Variants in NUPR2 observed in about 807,000 individuals in gnomAD.
The protein encoded by NUPR2 is nuclear protein 2.
NUPR2 carries 14 observed loss-of-function variants against 7.3 expected under a neutral mutation model. The observed-to-expected ratio is 1.93, with a 90% confidence interval of 1.27 to 3.01. NUPR2 has a LOEUF of 3.01. Among genes scored for constraint, NUPR2 ranks in the 30% most tolerant of loss-of-function variants. The probability of loss-of-function intolerance (pLI) is 0.00; values close to 1 mark genes in which losing one functional copy is unlikely to be tolerated. For synonymous variants in NUPR2, 56 were observed against 59.7 expected (o/e 0.94, Z 0.29); for missense variants, 162 against 143.7 (o/e 1.13, Z -0.65).
rs770528420 is a variant in NUPR2 at position 56,116,114 on chromosome 7, C to G, written c.201G>C (p.Gly67=). The change falls in exon 1 of 2, where the codon GGG becomes GGC. Residue 67 remains glycine, a synonymous_variant. Transcript: ENST00000329309. ...GCTTCTGCGCGACCTTGCGCTCGTG[C>G]CCGCCAGGTGCAGGCCAGTTGGTGC... is the stretch of plus-strand genomic sequence containing the variant. ...ALRTNWPAPG[G]HERKVAQKLL... The G allele has an allele frequency of 6.5e-7, 1 of 1,541,396 alleles. No homozygotes were observed. The highest frequency in any genetic ancestry group is 1.2e-5 in the South Asian group (1 of 83,218).
chr7:56,115,830 T>C (rs566623706), intron 1 of NUPR2, among the ~76,000 whole-genome samples, 185 bp downstream of exon 1: 1 of 152,018 alleles, frequency 6.6e-6, no homozygotes, highest in East Asian at 2.0e-4. Context: ...TCTACCCACC[T>C]ATGAAGTTCC....
chr7:56,115,429 T>TATATATATATACATA (rs1554376538), intron 1 of NUPR2, among the ~76,000 whole-genome samples: 2 of 30,998 alleles, frequency 6.5e-5, no homozygotes, highest in African/African-American at 2.9e-4. Flanking sequence ...ATATATATAT[T>TATATATATATACATA]TGTGTGTGTG....
chr7:56,115,410 T>TAC (rs1562891757), intron 1 of NUPR2, among the ~76,000 whole-genome samples: 6 of 39,388 alleles, frequency 1.5e-4, no homozygotes, highest in Admixed American at 8.1e-4. Flanking sequence ...TATATATATA[T>TAC]ATATATATAT....
Position 56,116,148 on chromosome 7 carries a change from T to C in NUPR2, c.167A>G (p.Gln56Arg). Residue 56 changes from glutamine to arginine, a missense_variant, in exon 1 of 2, where the codon CAG becomes CGG. Coordinates refer to ENST00000329309, the MANE Select transcript of NUPR2 (RefSeq NM_001145712.2). Reference protein sequence around the residue: ...GRSKGRTRREQALRTNWPAPG... With the variant: ...GRSKGRTRRERALRTNWPAPG... ...TGCAGGCCAGTTGGTGCGCAGCGCC[T>C]GCTCGCGCCGAGTCCGGCCCTTGCT... The C allele has an allele frequency of 6.5e-7, 1 of 1,546,790 alleles. No individual in the cohort carries two copies. The highest frequency in any genetic ancestry group is 8.7e-7 in the Non-Finnish European group (1 of 1,145,204).
chr7:56,115,429 T>TTTTGTG (rs1554376539), intron 1 of NUPR2, among the ~76,000 whole-genome samples: 5 of 31,000 alleles, frequency 1.6e-4, no homozygotes, highest in Non-Finnish European at 2.7e-4. Context: ...ATATATATAT[T>TTTTGTG]TGTGTGTGTG....
In NUPR2 at chr7:56,116,145, G is replaced by T. The variant is rs1350533489; in HGVS notation, c.170C>A (p.Ala57Glu). ...AGGTGCAGGCCAGTTGGTGCGCAGC[G>T]CCTGCTCGCGCCGAGTCCGGCCCTT... ...RSKGRTRREQ[A>E]LRTNWPAPGG... Residue 57 changes from alanine to glutamate, a missense_variant, in exon 1 of 2, where the codon GCG becomes GAG. Ala to Glu is a moderately radical substitution (Grantham distance 107). Transcript: ENST00000329309. 1 of 1,546,550 alleles carries T rather than the reference G, an allele frequency of 6.5e-7. No individual in the cohort carries two copies. Among genetic ancestry groups the T allele is most frequent in the Non-Finnish European group, 8.7e-7 (1 of 1,145,136 alleles).
At chr7:56,115,342 T>C (rs1200296727) in intron 1 of NUPR2, among the ~76,000 whole-genome samples, 1 of 147,446 alleles carries the variant, frequency 6.8e-6, no homozygotes, top group Non-Finnish European at 1.5e-5. Context: ...TGGAGAGCAG[T>C]GGCGCAATCT....
intron 1 of NUPR2, among the ~76,000 whole-genome samples, chr7:56,115,426 TATTTGTGTGTGTGTG>T (rs1785528262): frequency 4.1e-5 from 2 of 48,726 alleles, no homozygotes; most frequent in Admixed American, 5.3e-4. Flanking sequence ...TATATATATA[TATTTGTGTGTGTGTG>T]TGTGTGTGTG....
In NUPR2 at chr7:56,116,172, CT is replaced by C; in HGVS notation, c.142del (p.Ser48AlafsTer72). 1 of 1,548,344 alleles carries C rather than the reference CT, an allele frequency of 6.5e-7. No homozygotes were observed. Among genetic ancestry groups the C allele is most frequent in the Non-Finnish European group, 8.7e-7 (1 of 1,145,794 alleles). Reference protein sequence around the residue: ...RDFPACGAGRSKGRTRREQAL... With the variant: ...RDFPACGAGRXKGRTRREQAL... Reference sequence around the variant, plus strand: ...CTGCTCGCGCCGAGTCCGGCCCTTGCTGCGCCCTGCCCCGCAGGCCGGGAAG... The same window carrying C: ...CTGCTCGCGCCGAGTCCGGCCCTTGCGCGCCCTGCCCCGCAGGCCGGGAAG... On this transcript the variant is annotated frameshift_variant, in exon 1 of 2. Coordinates refer to ENST00000329309, the MANE Select transcript of NUPR2 (RefSeq NM_001145712.2). LOFTEE classifies it high-confidence loss of function.
chr7:56,116,227 C>T lies in NUPR2; in HGVS notation c.88G>A (p.Asp30Asn). 2.6e-6 allele frequency: 4 copies of T among 1,546,568 alleles called. No individual in the cohort carries two copies. Among genetic ancestry groups the T allele is most frequent in the African/African-American group, 1.4e-5 (1 of 71,982 alleles). Reference sequence around the variant, plus strand: ...CGCAGGTAGTAGTAGTCCAGGCAGTCGTAAAGCTCCTCCTCGTAGCTTATG... The same window carrying T: ...CGCAGGTAGTAGTAGTCCAGGCAGTTGTAAAGCTCCTCCTCGTAGCTTATG... ...PPISYEEELYDCLDYYYLRDF... is the reference protein window; with the variant it reads ...PPISYEEELYNCLDYYYLRDF... Residue 30 changes from aspartate (D) to asparagine (N), a missense_variant, in exon 1 of 2, where the codon GAC (aspartate) becomes AAC (asparagine). Transcript: ENST00000329309.
intron 1 of NUPR2, among the ~76,000 whole-genome samples, chr7:56,115,426 T>TAC (rs1785528055): frequency 2.1e-5 from 1 of 48,730 alleles, no homozygotes; most frequent in Non-Finnish European, 3.6e-5. Context: ...TATATATATA[T>TAC]ATTTGTGTGT....
intron 1 of NUPR2, 29 bp downstream of exon 1, chr7:56,115,971 GGGTCCCCGGGGCACT>G: frequency 7.1e-7 from 1 of 1,400,538 alleles, no homozygotes. Context: ...GACGCTCCTA[GGGTCCCCGGGGCACT>G]GGTTGGGGGA....
At position 56,116,049 on chromosome 7, in the gene NUPR2, T is replaced by C; in HGVS notation, c.266A>G (p.His89Arg). The C allele has an allele frequency of 6.7e-7, 1 of 1,493,782 alleles. No homozygotes were observed. The allele number at this position is 1,493,782 out of a possible 1,614,324, so 92.5% of individuals were successfully genotyped here. The change falls in exon 1 of 2, where the codon CAT (histidine) becomes CGT (arginine). Residue 89 changes from histidine to arginine, a missense_variant. Transcript: ENST00000329309. ...GGTGAGGCGAGTGCGCATCTTGGGA[T>C]GCAGCTGGCGCTGGCGGCGCTTGCG... ...GQRKRRQRQLHPKMRTRLT is the reference protein window; with the variant it reads ...GQRKRRQRQLRPKMRTRLT
chr7:56,116,326 C>T lies in NUPR2; in HGVS notation c.-12G>A. On this transcript the variant is annotated 5_prime_UTR_variant, in exon 1 of 2. Transcript: ENST00000329309. ...GCGGGCGCTTCCATCCTGCCCAGGC[C>T]TGTGGCCACCGGCGGCCACCTGCCC... is the stretch of plus-strand genomic sequence containing the variant. The T allele has an allele frequency of 2.9e-6, 4 of 1,362,400 alleles. No individual in the cohort carries two copies. The highest frequency in any genetic ancestry group is 3.8e-6 in the Non-Finnish European group (4 of 1,053,466). 84.4% of individuals were successfully genotyped at this position (1,362,400 alleles called of 1,614,324 possible).
chr7:56,116,337 G>A lies in NUPR2; in HGVS notation c.-23C>T, dbSNP rs1785554376. On this transcript the variant is annotated 5_prime_UTR_variant, in exon 1 of 2. Coordinates refer to ENST00000329309, the MANE Select transcript of NUPR2 (RefSeq NM_001145712.2). ...CATCCTGCCCAGGCCTGTGGCCACC[G>A]GCGGCCACCTGCCCGCGTCTGGGCG... The A allele has an allele frequency of 8.1e-6, 10 of 1,229,704 alleles. No individual in the cohort carries two copies. The highest frequency in any genetic ancestry group is 1.0e-5 in the Non-Finnish European group (10 of 956,018). The allele number at this position is 1,229,704 out of a possible 1,614,324, so 76.2% of individuals were successfully genotyped here.
rs771829299 is a variant in NUPR2, at chr7:56,116,162, C to A, written c.153G>T (p.Arg51=). 3 of 1,548,048 alleles carry A rather than the reference C, an allele frequency of 1.9e-6. No individual in the cohort carries two copies. The highest frequency in any genetic ancestry group is 2.6e-6 in the Non-Finnish European group (3 of 1,145,704). ...PACGAGRSKG[R]TRREQALRTN... ...TGCGCAGCGCCTGCTCGCGCCGAGT[C>A]CGGCCCTTGCTGCGCCCTGCCCCGC... The change falls in exon 1 of 2, where the codon CGG becomes CGT. Residue 51 remains arginine (R), a synonymous_variant. Coordinates refer to ENST00000329309, the MANE Select transcript of NUPR2 (RefSeq NM_001145712.2).
Position 56,116,268 on chromosome 7 carries a change from G to A in NUPR2, c.47C>T (p.Ala16Val). Reference protein sequence around the residue: ...ERALPRLQALARPPPPISYEE... With the variant: ...ERALPRLQALVRPPPPISYEE... ...GTAGCTTATGGGTGGCGGCGGCCGA[G>A]CCAGAGCCTGCAGACGTGGAAGCGC... Residue 16 changes from alanine to valine, a missense_variant, in exon 1 of 2, where the codon GCT (alanine) becomes GTT (valine). Physicochemically the swap from Ala to Val is moderately conservative, Grantham distance 64. Coordinates refer to ENST00000329309, the MANE Select transcript of NUPR2 (RefSeq NM_001145712.2). The A allele has an allele frequency of 1.3e-6, 2 of 1,529,926 alleles. No homozygotes were observed. Among genetic ancestry groups the A allele is most frequent in the Non-Finnish European group, 1.8e-6 (2 of 1,138,778 alleles). The allele number at this position is 1,529,926 out of a possible 1,614,324, so 94.8% of individuals were successfully genotyped here.
At chr7:56,115,415 A>ACACATGTATATATATACATATATATG (rs60601611) in intron 1 of NUPR2, among the ~76,000 whole-genome samples, 5 of 52,206 alleles carry the variant, frequency 9.6e-5, no homozygotes, top group Non-Finnish European at 1.3e-4. Flanking sequence ...ATATATATAT[A>ACACATGTATATATATACATATATATG]TATATATATA....
chr7:56,115,428 TTTGTGTGTG>T (rs1785528970), intron 1 of NUPR2, among the ~76,000 whole-genome samples: 6 of 45,926 alleles, frequency 1.3e-4, no homozygotes, highest in Non-Finnish European at 2.4e-4. Flanking sequence ...TATATATATA[TTTGTGTGTG>T]TGTGTGTGTG....
Sources: allele counts gnomAD v4.1 joint callset (sites outside exome capture counted in the v4.1 genomes callset), GRCh38; gene constraint gnomAD v4.1.1; transcripts MANE v1.5; gene names NCBI Gene and HGNC (gene_info 2026-07-23, HGNC 2026-07-21).